The following EPS15L1 variants were observed in gnomAD, a reference collection of about 807,000 sequenced individuals.
EPS15L1 encodes the protein epidermal growth factor receptor substrate 15-like 1.
EPS15L1 carries 43 observed loss-of-function variants against 117.1 expected under a neutral mutation model. That is an observed-to-expected ratio of 0.37 (90% CI 0.29 to 0.47). The LOEUF (loss-of-function observed/expected upper bound fraction) is 0.47, where lower values mean the gene tolerates loss of function less well. Ranked by LOEUF, EPS15L1 falls within the 20% of genes least tolerant of loss-of-function variation. The pLI is 0.99. For synonymous variants in EPS15L1, 459 were observed against 470.5 expected, an observed-to-expected ratio of 0.98 and a Z score of 0.32; for missense variants, 981 against 1,164.0, an observed-to-expected ratio of 0.84 and a Z score of 2.29.
At chr19:16,402,182 T>G in intron 16 of EPS15L1, 139 bp downstream of exon 16, 2 of 1,457,766 alleles carry the variant, frequency 1.4e-6, no homozygotes, top group Non-Finnish European at 1.8e-6. Flanking sequence ...ACGCGCAAAG[T>G]GGCAGCAAAA....
In EPS15L1 at chr19:16,404,104, G is replaced by A. The variant is rs2092630445; in HGVS notation, c.1429-174C>T. 6.6e-6 allele frequency among the ~76,000 whole-genome samples: 1 copy of A among 152,094 alleles called. No individual in the cohort carries two copies. Among genetic ancestry groups the A allele is most frequent in the South Asian group, 2.1e-4 (1 of 4,820 alleles). ...GGCCTCTTTCTACACCCAAAATAGA[G>A]ACACAAATGAAAAGGCAGATGGGCT... On this transcript the variant is annotated intron_variant, in intron 14 of 23. Transcript: ENST00000455140. The surrounding 1 kb of genome is among the most constrained non-coding windows in gnomAD (Gnocchi z 4.2).
intron 22 of EPS15L1, among the ~76,000 whole-genome samples, chr19:16,362,425 G>A (rs1344918528): frequency 6.7e-6 from 1 of 150,346 alleles, no homozygotes; most frequent in Non-Finnish European, 1.5e-5. Flanking sequence ...ATGAAAAGGA[G>A]GAATTAGTTT....
Position 16,385,225 on chromosome 19 carries a change from CA to C in EPS15L1, c.2165-15del. 1.2e-6 allele frequency: 2 copies of C among 1,611,642 alleles called. No individual in the cohort carries two copies. The highest frequency in any genetic ancestry group is 8.5e-7 in the Non-Finnish European group (1 of 1,177,810). On this transcript the variant is annotated splice_polypyrimidine_tract_variant and intron_variant, in intron 20 of 23. Coordinates refer to ENST00000455140, the MANE Select transcript of EPS15L1 (RefSeq NM_001258374.3). The stretch of plus-strand genomic sequence containing the variant: ...TTCCAAAGGGATCTGCAATCGGCAC[CA>C]ACAAAGTCAGAGTTACAGGTCTTTA...
chr19:16,398,314 A>C (rs957076885), intron 16 of EPS15L1, among the ~76,000 whole-genome samples: 1 of 152,244 alleles, frequency 6.6e-6, no homozygotes, highest in African/African-American at 2.4e-5. Flanking sequence ...CTCCGACCAC[A>C]GGGTTTTCCC....
In EPS15L1 at chr19:16,428,828, C is replaced by A. The variant is rs567980295; in HGVS notation, c.499-67G>T. ...ACTGGGTGAGAGTGAGACCACCTGC[C>A]GGAACTCAGACTCTCAGCCGTGGCA... On this transcript the variant is annotated intron_variant, in intron 7 of 23. Coordinates refer to ENST00000455140, the MANE Select transcript of EPS15L1 (RefSeq NM_001258374.3). 367 of 1,289,228 alleles carry A rather than the reference C, an allele frequency of 2.8e-4. 3 individuals are homozygous for A. In the South Asian group the frequency reaches 3.4e-3, roughly 12 times the overall value. 79.9% of individuals were successfully genotyped at this position (1,289,228 alleles called of 1,614,324 possible).
intron 20 of EPS15L1, among the ~76,000 whole-genome samples, chr19:16,385,530 T>G (rs2092411415): frequency 6.6e-6 from 1 of 152,124 alleles, no homozygotes; most frequent in Admixed American, 6.5e-5. Flanking sequence ...GAGGAGCAAC[T>G]CCAGGGCGAC....
chr19:16,392,286 A>G lies in EPS15L1; in HGVS notation c.2103+18T>C, dbSNP rs371635442. 1.7e-5 allele frequency: 28 copies of G among 1,613,600 alleles called. No homozygotes were observed. In the African/African-American group the frequency reaches 3.3e-4, roughly 19 times the overall value. ...AGCAGGCACGCAGCTCTCCCGGGCA[A>G]CGTCCCACCCCACTCACCTTCGAAG... On this transcript the variant is annotated intron_variant, in intron 19 of 23. Coordinates refer to ENST00000455140, the MANE Select transcript of EPS15L1 (RefSeq NM_001258374.3).
chr19:16,428,993 A>G (rs765742320), intron 7 of EPS15L1, among the ~76,000 whole-genome samples: 1 of 152,218 alleles, frequency 6.6e-6, no homozygotes, highest in Non-Finnish European at 1.5e-5. Context: ...CATATTGATT[A>G]TAAGATTATA....
At chr19:16,358,931 T>A (rs529577352) in intron 23 of EPS15L1, among the ~76,000 whole-genome samples, 2 of 152,340 alleles carry the variant, frequency 1.3e-5, no homozygotes, top group East Asian at 3.9e-4. Context: ...CACATTTGCC[T>A]GAGACAGAAA....
intron 8 of EPS15L1, among the ~76,000 whole-genome samples, 174 bp downstream of exon 8, chr19:16,428,528 A>C (rs2092897959): frequency 2.5e-5 from 1 of 40,748 alleles, no homozygotes; most frequent in Admixed American, 2.8e-4. Flanking sequence ...AAAGTGAAAG[A>C]AAGAAAGGAA....
At position 16,361,835 on chromosome 19, in the gene EPS15L1, A is replaced by G. The variant is rs994840907; in HGVS notation, c.2530T>C (p.Ser844Pro). 6.2e-7 allele frequency: 1 copy of G among 1,614,054 alleles called. No individual in the cohort carries two copies. The change falls in exon 23 of 24, where the codon TCC becomes CCC. Residue 844 changes from serine to proline, a missense_variant. Physicochemically the swap from Ser to Pro is moderately conservative, Grantham distance 74. Around this residue, in one of 5 missense-constraint regions of EPS15L1, gnomAD observed 819 missense variants for 949.0 expected, o/e 0.86. Coordinates refer to ENST00000455140, the MANE Select transcript of EPS15L1 (RefSeq NM_001258374.3). The part of the protein sequence containing the change: ...PFSGKDPFVP[S>P]SAAKPSKASA... ...GCCTTAGAAGGTTTAGCTGCAGAGGAGGGGACAAATGGGTCTTTTCCACTA... is the reference window on the plus strand; with the variant it reads ...GCCTTAGAAGGTTTAGCTGCAGAGGGGGGGACAAATGGGTCTTTTCCACTA...
In EPS15L1 at chr19:16,404,621, G is replaced by A. The variant is rs753476665; in HGVS notation, c.1395C>T (p.Asp465=). 2.0e-5 allele frequency: 32 copies of A among 1,614,172 alleles called. No individual in the cohort carries two copies. The highest frequency in any genetic ancestry group is 8.9e-5 in the East Asian group (4 of 44,872). ...QKAKLRDMLS[D]VRQKCQDETQ... is the part of the protein sequence containing the mutation. ...TCTCATCCTGGCACTTCTGCCGGAC[G>A]TCGCTCAGCATGTCTCGGAGCTTGG... The change falls in exon 14 of 24, where the codon GAC becomes GAT. Residue 465 remains aspartate (D), a synonymous_variant. Coordinates refer to ENST00000455140, the MANE Select transcript of EPS15L1 (RefSeq NM_001258374.3). The surrounding 1 kb of genome is among the most constrained non-coding windows in gnomAD (Gnocchi z 4.2).
At chr19:16,388,305 C>A (rs2092441905) in intron 19 of EPS15L1, among the ~76,000 whole-genome samples, 1 of 152,070 alleles carries the variant, frequency 6.6e-6, no homozygotes, top group Non-Finnish European at 1.5e-5. Flanking sequence ...CTCCCAAAGT[C>A]CTGGGATTAT....
chr19:16,410,625 C>T (rs1209677159), intron 13 of EPS15L1, among the ~76,000 whole-genome samples: 2 of 152,004 alleles, frequency 1.3e-5, no homozygotes, highest in African/African-American at 4.8e-5. Context: ...TGTGGCCCAT[C>T]GTGGCTTGGC....
chr19:16,424,999 C>T (rs1011389232), intron 9 of EPS15L1, 84 bp downstream of exon 9: 22 of 1,187,478 alleles, frequency 1.9e-5, no homozygotes, highest in South Asian at 2.4e-5. Context: ...CAAGCTTGAC[C>T]GTTCTGGGGT....
intron 1 of EPS15L1, among the ~76,000 whole-genome samples, chr19:16,446,385 G>A (rs996607572): frequency 3.9e-5 from 6 of 152,144 alleles, no homozygotes; most frequent in Non-Finnish European, 5.9e-5. Flanking sequence ...AGCAAAGTAC[G>A]CGCTCTTGTG....
At chr19:16,356,213 C>T in intron 23 of EPS15L1, 1 of 297,514 alleles carries the variant, frequency 3.4e-6, no homozygotes, top group Non-Finnish European at 6.4e-6. Flanking sequence ...CTCTAAAGCC[C>T]CACGGCGCAG....
Position 16,404,723 on chromosome 19 carries a change from T to C in EPS15L1, c.1293A>G (p.Glu431=). 1 of 1,614,206 alleles carries C rather than the reference T, an allele frequency of 6.2e-7. No homozygotes were observed. Among genetic ancestry groups the C allele is most frequent in the Non-Finnish European group, 8.5e-7 (1 of 1,180,024 alleles). ...VQELQNDLDR[E]TSSLQELEAQ... ...CCTCGAGCTCCTGCAAACTGCTTGT[T>C]TCCCGGTCTAGGTCATTTTGTAATT... The change falls in exon 14 of 24, where the codon GAA becomes GAG. Residue 431 remains glutamate (E), a synonymous_variant. Transcript: ENST00000455140. This position sits in a 1 kb window ranked among gnomAD's most constrained non-coding sequence, Gnocchi z 4.2.
intron 13 of EPS15L1, among the ~76,000 whole-genome samples, chr19:16,412,172 C>T (rs1317086079): frequency 6.6e-6 from 1 of 151,834 alleles, no homozygotes; most frequent in Non-Finnish European, 1.5e-5. Context: ...ATACAGAGGG[C>T]CAACTTGTCT....
Sources: gnomAD v4.1 joint callset for allele counts (sites outside exome capture counted in the v4.1 genomes callset) on GRCh38, gnomAD v4.1.1 for gene constraint, gnomAD v4.1.1 regional missense constraint, Gnocchi (gnomAD v3.1) non-coding constraint, MANE v1.5 for transcripts, NCBI Gene and HGNC (gene_info 2026-07-23, HGNC 2026-07-21) for gene names.